The following BLK variants were observed in gnomAD, a reference collection of about 807,000 sequenced individuals.
The protein encoded by BLK is tyrosine-protein kinase Blk.
A neutral mutation model predicts 61.8 loss-of-function variants in BLK; 64 were observed. The ratio of observed to expected loss-of-function variants is 1.03; its 90% CI spans 0.85 to 1.27. The LOEUF is 1.27. BLK is among the 50% of genes most tolerant of loss of function. BLK has a pLI of 0.00. For missense variants in BLK, 853 were observed against 660.5 expected (o/e 1.29, Z -3.19); for synonymous variants, 351 against 272.0 (o/e 1.29, Z -2.86).
chr8:11,501,905 G>T (rs1187836303), intron 1 of BLK, among the ~76,000 whole-genome samples: 2 of 152,236 alleles, frequency 1.3e-5, no homozygotes, highest in Admixed American at 6.5e-5. Context: ...TTTCCTCAAT[G>T]TTTTGTGCTA....
intron 1 of BLK, among the ~76,000 whole-genome samples, chr8:11,542,327 A>G (rs978355578): frequency 1.2e-4 from 19 of 152,374 alleles, no homozygotes; most frequent in African/African-American, 4.6e-4. Context: ...TGTACATCCA[A>G]AGGAAATCAC....
intron 1 of BLK, among the ~76,000 whole-genome samples, chr8:11,525,954 T>A (rs372596925): frequency 6.6e-6 from 1 of 152,076 alleles, no homozygotes; most frequent in East Asian, 1.9e-4. Context: ...CGTGTTTTCA[T>A]TAGAGACAGG....
At chr8:11,547,597 C>T (rs936283209) in intron 3 of BLK, among the ~76,000 whole-genome samples, 2 of 152,236 alleles carry the variant, frequency 1.3e-5, no homozygotes, top group Non-Finnish European at 2.9e-5. Context: ...GGCAAGACCA[C>T]CCCTACTGGG....
At chr8:11,541,910 C>G (rs1307454243) in intron 1 of BLK, among the ~76,000 whole-genome samples, 1 of 152,190 alleles carries the variant, frequency 6.6e-6, no homozygotes, top group Non-Finnish European at 1.5e-5. Flanking sequence ...TCTGAGCTCA[C>G]ATAAAGAAAT....
intron 1 of BLK, among the ~76,000 whole-genome samples, chr8:11,542,721 T>G (rs767106128): frequency 1.3e-5 from 2 of 152,196 alleles, no homozygotes; most frequent in African/African-American, 4.8e-5. Context: ...CCTAAATGTA[T>G]ATAGTGTCTC....
chr8:11,561,087 C>T, intron 10 of BLK: 1 of 714,870 alleles, frequency 1.4e-6, no homozygotes, highest in South Asian at 1.5e-5. Flanking sequence ...ACAGGTAGCC[C>T]CTGTGTCTCT....
At position 11,549,065 on chromosome 8, in the gene BLK, G is replaced by A. The variant is rs142298864; in HGVS notation, c.311G>A (p.Arg104Lys). ...WWLARSLVTG[R>K]EGYVPSNFVA... is the part of the protein sequence containing the mutation. ...CTGGCCAGGTCACTCGTCACAGGAA[G>A]AGAAGGCTATGTGCCCAGTAACTTT... The change falls in exon 5 of 13, where the codon AGA (arginine) becomes AAA (lysine). Residue 104 changes from arginine (R) to lysine (K), a missense_variant. Transcript: ENST00000259089. 19 of 1,611,756 alleles carry A rather than the reference G, an allele frequency of 1.2e-5. No homozygotes were observed. In the African/African-American group the frequency reaches 2.3e-4, roughly 19 times the overall value.
In BLK at chr8:11,557,988, G is replaced by A; in HGVS notation, c.979G>A (p.Asp327Asn). ...ATGCCTGCTGGATTTCCTGAAGACA[G>A]ATGAAGGGAGCAGATTGTCACTCCC... ...RGCLLDFLKTDEGSRLSLPRL... is the reference protein window; with the variant it reads ...RGCLLDFLKTNEGSRLSLPRL... The change falls in exon 10 of 13, where the codon GAT (aspartate) becomes AAT (asparagine). Residue 327 changes from aspartate (D) to asparagine (N), a missense_variant. Asp to Asn is a conservative substitution (Grantham distance 23). Transcript: ENST00000259089. 1 of 1,614,104 alleles carries A rather than the reference G, an allele frequency of 6.2e-7. No individual in the cohort carries two copies. The highest frequency in any genetic ancestry group is 8.5e-7 in the Non-Finnish European group (1 of 1,179,952).
At chr8:11,537,254 G>A (rs992107888) in intron 1 of BLK, among the ~76,000 whole-genome samples, 1 of 152,134 alleles carries the variant, frequency 6.6e-6, no homozygotes, top group South Asian at 2.1e-4. Flanking sequence ...TATAGCATTG[G>A]TGGTTTGTAC....
chr8:11,544,694 G>C (rs893024437), intron 2 of BLK, among the ~76,000 whole-genome samples: 1 of 152,128 alleles, frequency 6.6e-6, no homozygotes, highest in Non-Finnish European at 1.5e-5. Flanking sequence ...ACTATGTAGA[G>C]TCACCAGAGT....
At chr8:11,507,820 C>T (rs1798836743) in intron 1 of BLK, among the ~76,000 whole-genome samples, 1 of 152,154 alleles carries the variant, frequency 6.6e-6, no homozygotes, top group Non-Finnish European at 1.5e-5. Flanking sequence ...ACAGTCACCC[C>T]ATGGCAAGCT....
In BLK at chr8:11,494,438, A is replaced by C. The variant is rs1441384776; in HGVS notation, c.-155A>C. ...TGCTGCCGGCAGAAAGCCACAAGCC[A>C]TGAAAACTGATTGAGATGAGAAGAA... On this transcript the variant is annotated 5_prime_UTR_variant, in exon 1 of 13. An upstream start codon of the reference 5' UTR is lost. Transcript: ENST00000259089. 6.6e-6 allele frequency: 1 copy of C among 152,294 alleles called. No homozygotes were observed. The highest frequency in any genetic ancestry group is 1.5e-5 in the Non-Finnish European group (1 of 68,080). 9.4% of individuals were successfully genotyped at this position (152,294 alleles called of 1,614,324 possible). A position where few individuals can be genotyped will look rare whatever the true frequency, so the allele number is the denominator to read the frequency against.
intron 1 of BLK, among the ~76,000 whole-genome samples, chr8:11,497,915 G>T (rs1233191120): frequency 6.6e-6 from 1 of 152,218 alleles, no homozygotes; most frequent in Non-Finnish European, 1.5e-5. Flanking sequence ...CTGGGAGTGT[G>T]AAGTGGGAGC....
chr8:11,518,356 G>C (rs1016450344), intron 1 of BLK, among the ~76,000 whole-genome samples: 2 of 152,128 alleles, frequency 1.3e-5, no homozygotes, highest in African/African-American at 2.4e-5. Context: ...CACTTTTTTA[G>C]AAAACTTCCC....
intron 1 of BLK, among the ~76,000 whole-genome samples, chr8:11,537,587 A>G (rs952295281): frequency 2.0e-5 from 3 of 152,186 alleles, no homozygotes; most frequent in Non-Finnish European, 1.5e-5. Context: ...TTTTGTGCAG[A>G]GGGCTCAAGC....
chr8:11,538,282 C>T (rs970830283), intron 1 of BLK, among the ~76,000 whole-genome samples: 1 of 152,234 alleles, frequency 6.6e-6, no homozygotes, highest in Non-Finnish European at 1.5e-5. Flanking sequence ...CGTTTTGCCT[C>T]TGTCTGGACT....
intron 1 of BLK, among the ~76,000 whole-genome samples, chr8:11,511,062 A>G (rs1798985151): frequency 6.6e-6 from 1 of 152,206 alleles, no homozygotes; most frequent in Non-Finnish European, 1.5e-5. Flanking sequence ...TCCTGCTACA[A>G]ACACTCACCA....
intron 10 of BLK, among the ~76,000 whole-genome samples, chr8:11,559,383 TCACACACAGACAGACA>T (rs1284089387): frequency 7.5e-5 from 9 of 120,404 alleles, no homozygotes; most frequent in Non-Finnish European, 1.1e-4. Context: ...ACACGCAAAC[TCACACACAGACAGACA>T]CACACACAGA....
At chr8:11,502,097 G>A (rs935648136) in intron 1 of BLK, among the ~76,000 whole-genome samples, 2 of 152,166 alleles carry the variant, frequency 1.3e-5, no homozygotes, top group African/African-American at 4.8e-5. Context: ...AGCACAGCAC[G>A]ATAGAGTACT....
Sources: gnomAD v4.1 joint callset for allele counts (sites outside exome capture counted in the v4.1 genomes callset) on GRCh38, gnomAD v4.1.1 for gene constraint, MANE v1.5 for transcripts, NCBI Gene and HGNC (gene_info 2026-07-23, HGNC 2026-07-21) for gene names.